The following ZNF799 variants were observed in gnomAD, a reference collection of about 807,000 sequenced individuals.
The protein encoded by ZNF799 is zinc finger protein 14.
Under a neutral mutation model 41.0 loss-of-function variants are expected in ZNF799, and 28 were observed. The observed-to-expected ratio is 0.68, with a 90% CI of 0.51 to 0.94. ZNF799 has a LOEUF of 0.94. ZNF799 is among the 40% of genes least tolerant of loss of function. The pLI is 0.00. For synonymous variants in ZNF799, 213 were observed against 252.9 expected (o/e 0.84, Z 1.50); for missense variants, 716 against 764.3 (o/e 0.94, Z 0.74).
upstream of ZNF799, chr19:12,401,323 G>T: frequency 1.7e-6 from 2 of 1,155,670 alleles, no homozygotes; most frequent in Non-Finnish European, 2.4e-6. Flanking sequence ...GTCAGGTGCC[G>T]CCCCTCGTGG....
chr19:12,394,756 C>A, intron 1 of ZNF799: 1 of 985,034 alleles, frequency 1.0e-6, no homozygotes. Flanking sequence ...TAAAACAAAT[C>A]TTTTAGTAGT....
chr19:12,391,863 T>G lies in ZNF799; in HGVS notation c.535A>C (p.Ser179Arg). 6.2e-7 allele frequency: 1 copy of G among 1,614,216 alleles called. No homozygotes were observed. Among genetic ancestry groups the G allele is most frequent in the African/African-American group, 1.3e-5 (1 of 75,066 alleles). The change falls in exon 4 of 4, where the codon AGT becomes CGT. Residue 179 changes from serine to arginine, a missense_variant. Physicochemically the swap from Ser to Arg is moderately radical, Grantham distance 110. Coordinates refer to ENST00000430385, the MANE Select transcript of ZNF799 (RefSeq NM_001080821.3). ...YNCKECGKSFSSLGNLQRHMA... is the reference protein window; with the variant it reads ...YNCKECGKSFRSLGNLQRHMA... The stretch of plus-strand genomic sequence containing the variant: ...TGTCTTTGAAGGTTTCCCAAAGAAC[T>G]GAAGGACTTCCCACATTCTTTACAA...
At position 12,391,745 on chromosome 19, in the gene ZNF799, G is replaced by A. The variant is rs374091845; in HGVS notation, c.653C>T (p.Thr218Met). The change falls in exon 4 of 4, where the codon ACG (threonine) becomes ATG (methionine). Residue 218 changes from threonine to methionine, a missense_variant. Coordinates refer to ENST00000430385, the MANE Select transcript of ZNF799 (RefSeq NM_001080821.3). ...TTCATATGGTTTCTCTCCAGTGTGC[G>A]TTCTCTCATGCATATGTAATAAACT... ...WPSLLHMHER[T>M]HTGEKPYECK... The A allele has an allele frequency of 4.9e-5, 79 of 1,613,948 alleles. 1 individual carries two copies. The South Asian group carries it at 7.7e-4, about 16-fold the overall frequency.
At chr19:12,393,604 A>G in intron 1 of ZNF799, 181 bp from the exon 2 acceptor site, 1 of 1,458,638 alleles carries the variant, frequency 6.9e-7, no homozygotes, top group Non-Finnish European at 9.0e-7. Context: ...CTGAAGCTAC[A>G]GTTAAACATG....
Position 12,394,478 on chromosome 19 carries a change from G to A in ZNF799, c.4-1055C>T, listed in dbSNP as rs1017225636. ...CTGGGTAGATAACATTTCACGTTTT[G>A]TTGCAACTTGTTATTTGGGGGATTT... On this transcript the variant is annotated intron_variant, in intron 1 of 3. Coordinates refer to ENST00000430385, the MANE Select transcript of ZNF799 (RefSeq NM_001080821.3). The A allele has an allele frequency of 1.2e-5, 8 of 682,722 alleles. No homozygotes were observed. In the African/African-American group the frequency reaches 1.6e-4, roughly 13 times the overall value. 42.3% of individuals were successfully genotyped at this position (682,722 alleles called of 1,614,324 possible).
At chr19:12,394,422 C>T (rs754673754) in intron 1 of ZNF799, 9 of 209,470 alleles carry the variant, frequency 4.3e-5, no homozygotes, top group Admixed American at 6.5e-5. Flanking sequence ...TACAAAGAAA[C>T]ACTCTGGGCA....
At chr19:12,399,787 G>A (rs1813784331) in intron 1 of ZNF799, among the ~76,000 whole-genome samples, 1 of 151,742 alleles carries the variant, frequency 6.6e-6, no homozygotes, top group Non-Finnish European at 1.5e-5. Context: ...GCGACTACAG[G>A]TGCCAGCTAC....
chr19:12,395,594 G>C (rs1286887585), intron 1 of ZNF799, among the ~76,000 whole-genome samples: 1 of 152,204 alleles, frequency 6.6e-6, no homozygotes, highest in Admixed American at 6.5e-5. Context: ...ACTAAGTCAT[G>C]GAGAAAAAGA....
At position 12,401,113 on chromosome 19, in the gene ZNF799, G is replaced by A. The variant is rs781473855; in HGVS notation, c.-43C>T. ...GTCCCAGGTCCTCCGGACGGCTCCC[G>A]CTGCCAATGCGGGTTCCCGCGGGAC... On this transcript the variant is annotated 5_prime_UTR_variant, in exon 1 of 4. Transcript: ENST00000430385. The A allele has an allele frequency of 2.5e-6, 4 of 1,613,304 alleles. No homozygotes were observed. Among genetic ancestry groups the A allele is most frequent in the Admixed American group, 1.7e-5 (1 of 59,996 alleles).
chr19:12,401,748 T>C (rs1204692249), upstream of ZNF799, among the ~76,000 whole-genome samples: 2 of 151,736 alleles, frequency 1.3e-5, no homozygotes, highest in Non-Finnish European at 2.9e-5. Flanking sequence ...CTAATTTTTG[T>C]ATGTTTTAGT....
intron 2 of ZNF799, among the ~76,000 whole-genome samples, chr19:12,392,923 A>G (rs1969846247): frequency 6.6e-6 from 1 of 152,330 alleles, no homozygotes; most frequent in South Asian, 2.1e-4. Context: ...GAGAATGAAA[A>G]CCTTTCTGAT....
At position 12,391,179 on chromosome 19, in the gene ZNF799, C is replaced by T. The variant is rs1262942632; in HGVS notation, c.1219G>A (p.Val407Ile). ...ICGKAFVYPS[V>I]FQRHEKTHTA... The stretch of plus-strand genomic sequence containing the variant: ...TGAGTCTTTTCATGCCTTTGAAATA[C>T]ACTGGGATAAACAAAGGCTTTCCCA... The change falls in exon 4 of 4, where the codon GTA becomes ATA. Residue 407 changes from valine to isoleucine, a missense_variant. Around this residue, in one of 2 missense-constraint regions of ZNF799, gnomAD observed 698 missense variants for 713.6 expected, o/e 0.98. Coordinates refer to ENST00000430385, the MANE Select transcript of ZNF799 (RefSeq NM_001080821.3). The T allele has an allele frequency of 1.2e-6, 2 of 1,613,974 alleles. No homozygotes were observed. The highest frequency in any genetic ancestry group is 1.1e-5 in the South Asian group (1 of 91,084).
In ZNF799 at chr19:12,391,355, C is replaced by T. The variant is rs1254206729; in HGVS notation, c.1043G>A (p.Cys348Tyr). 1.2e-6 allele frequency: 2 copies of T among 1,613,970 alleles called. No homozygotes were observed. The highest frequency in any genetic ancestry group is 1.7e-6 in the Non-Finnish European group (2 of 1,179,990). Residue 348 changes from cysteine to tyrosine, a missense_variant, in exon 4 of 4, where the codon TGT (cysteine) becomes TAT (tyrosine). Cys to Tyr is a radical substitution (Grantham distance 194). Coordinates refer to ENST00000430385, the MANE Select transcript of ZNF799 (RefSeq NM_001080821.3). Reference sequence around the variant, plus strand: ...TTCATGACTTTTCAGTGAACTAGGACAATCAAAGCCTTTTCCACATATCTT... The same window carrying T: ...TTCATGACTTTTCAGTGAACTAGGATAATCAAAGCCTTTTCCACATATCTT... The part of the protein sequence containing the change: ...KCKICGKGFD[C>Y]PSSLKSHERT...
the ZNF799 span, among the ~76,000 whole-genome samples, chr19:12,410,854 A>G: frequency 6.6e-6 from 1 of 152,196 alleles, no homozygotes; most frequent in Non-Finnish European, 1.5e-5. Flanking sequence ...GAAAGACAAA[A>G]TCTACCAAAA....
rs761914889 is a variant in ZNF799 at position 12,393,302 on chromosome 19, C to A, written c.125G>T (p.Cys42Phe). The change falls in exon 2 of 4, where the codon TGT (cysteine) becomes TTT (phenylalanine). Residue 42 changes from cysteine to phenylalanine, a missense_variant. Transcript: ENST00000430385. Reference protein sequence around the residue: ...VMQETIRNLDCVGMKWKDQNI... With the variant: ...VMQETIRNLDFVGMKWKDQNI... ...AAATGCGATGTCATCCTTACCTACA[C>A]AATCCAGGTTCCTGATGGTTTCCTG... The A allele has an allele frequency of 1.1e-5, 10 of 927,734 alleles. No homozygotes were observed. In the Admixed American group the frequency reaches 1.4e-4, roughly 13 times the overall value. The allele number at this position is 927,734 out of a possible 1,614,324, so 57.5% of individuals were successfully genotyped here. A position where few individuals can be genotyped will look rare whatever the true frequency, so the allele number is the denominator to read the frequency against.
At chr19:12,408,613 G>A in the ZNF799 span, among the ~76,000 whole-genome samples, 4 of 152,162 alleles carry the variant, frequency 2.6e-5, no homozygotes, top group Non-Finnish European at 5.9e-5. Flanking sequence ...GGCTACATTA[G>A]ACTCAGATAA....
intron 1 of ZNF799, chr19:12,394,337 A>G (rs949559741): frequency 6.4e-6 from 1 of 156,632 alleles, no homozygotes; most frequent in African/African-American, 2.4e-5. Context: ...AAATGTAAAA[A>G]TTAAATACTG....
chr19:12,405,941 G>A (rs1970026211), upstream of ZNF799, among the ~76,000 whole-genome samples: 3 of 151,946 alleles, frequency 2.0e-5, no homozygotes, highest in Non-Finnish European at 2.9e-5. Context: ...TTGGGAGGCC[G>A]AGGGGGGCAG....
chr19:12,401,898 A>T (rs1969995578), upstream of ZNF799, among the ~76,000 whole-genome samples: 1 of 151,874 alleles, frequency 6.6e-6, no homozygotes, highest in African/African-American at 2.4e-5. Flanking sequence ...TTTCAATGAA[A>T]TTTTTCAAAA....
Sources: gnomAD v4.1 joint callset for allele counts (sites outside exome capture counted in the v4.1 genomes callset) on GRCh38, gnomAD v4.1.1 for gene constraint, gnomAD v4.1.1 regional missense constraint, MANE v1.5 for transcripts, NCBI Gene and HGNC (gene_info 2026-07-23, HGNC 2026-07-21) for gene names.